The following PLCH1 variants were observed in gnomAD, a reference collection of about 807,000 sequenced individuals.
The protein encoded by PLCH1 is 1-phosphatidylinositol 4,5-bisphosphate phosphodiesterase eta-1.
A neutral mutation model predicts 126.7 loss-of-function variants in PLCH1; 60 were observed. The ratio of observed to expected loss-of-function variants is 0.47; its 90% CI spans 0.38 to 0.59. The LOEUF (loss-of-function observed/expected upper bound fraction) is 0.59. PLCH1 is among the 20% of genes least tolerant of loss of function. The pLI is 0.00. For synonymous variants in PLCH1, 719 were observed against 734.9 expected (o/e 0.98, Z 0.35); for missense variants, 1,723 against 2,040.0 (o/e 0.84, Z 2.99).
intron 21 of PLCH1, among the ~76,000 whole-genome samples, chr3:155,469,098 C>A (rs1272276948): frequency 1.3e-5 from 2 of 152,104 alleles, no homozygotes; most frequent in African/African-American, 2.4e-5. Flanking sequence ...AGGAACAGCT[C>A]CGGTCTACAG....
chr3:155,664,014 G>A (rs1008961111), intron 2 of PLCH1, among the ~76,000 whole-genome samples: 3 of 152,082 alleles, frequency 2.0e-5, no homozygotes, highest in Non-Finnish European at 2.9e-5. Flanking sequence ...TTTACTCCCT[G>A]CTATAATCAT....
At chr3:155,604,628 C>A (rs1001386585) in intron 2 of PLCH1, among the ~76,000 whole-genome samples, 4 of 152,166 alleles carry the variant, frequency 2.6e-5, no homozygotes, top group African/African-American at 9.6e-5. Context: ...ATAACACTTT[C>A]TTTTTTAATG....
At chr3:155,596,092 C>T (rs1732947314) in intron 3 of PLCH1, 140 bp downstream of exon 3, 1 of 648,858 alleles carries the variant, frequency 1.5e-6, no homozygotes, top group East Asian at 2.7e-5. Flanking sequence ...CATTATTCTG[C>T]CTCTCAATAT....
intron 2 of PLCH1, among the ~76,000 whole-genome samples, chr3:155,701,856 G>A (rs1226320975): frequency 1.3e-5 from 2 of 152,098 alleles, no homozygotes; most frequent in African/African-American, 2.4e-5. Flanking sequence ...AGAGCAAAAG[G>A]CATCTTTCTT....
intron 2 of PLCH1, among the ~76,000 whole-genome samples, chr3:155,700,293 TTAAC>T (rs754870966): frequency 3.2e-4 from 49 of 152,346 alleles, no homozygotes; most frequent in South Asian, 1.7e-3. Context: ...CTTTAATTAA[TTAAC>T]TAAGTCAATT....
rs1169426334 is a variant in PLCH1 at position 155,485,528 on chromosome 3, T to C, written c.2802A>G (p.Ile934Met). 1 of 1,614,114 alleles carries C rather than the reference T, an allele frequency of 6.2e-7. No individual in the cohort carries two copies. The highest frequency in any genetic ancestry group is 2.2e-5 in the East Asian group (1 of 44,888). ...TTGTGGCCTCGGACACAGAATCCTT[T>C]ATCTCCACCATTTCTTGGAAGCCCA... is the stretch of plus-strand genomic sequence containing the variant. ...SKMGFQEMVE[I>M]KDSVSEATRD... The change falls in exon 22 of 23, where the codon ATA (isoleucine) becomes ATG (methionine). Residue 934 changes from isoleucine to methionine, a missense_variant. This residue lies in a region of PLCH1 where 947 missense variants were observed against 977.1 expected (regional missense o/e 0.97). Transcript: ENST00000460012.
chr3:155,512,551 CAA>C (rs145907224), intron 12 of PLCH1, among the ~76,000 whole-genome samples: 1,830 of 152,204 alleles, frequency 0.012, 27 homozygotes, highest in African/African-American at 0.042. Context: ...AAGGTGAGTA[CAA>C]GTTATCTATG....
chr3:155,703,347 C>T (rs1746413111), intron 2 of PLCH1, among the ~76,000 whole-genome samples: 1 of 152,136 alleles, frequency 6.6e-6, no homozygotes, highest in Non-Finnish European at 1.5e-5. Context: ...TCTCTGTTCC[C>T]TCTACAATTC....
chr3:155,536,545 A>G (rs1723380690), intron 10 of PLCH1, among the ~76,000 whole-genome samples: 1 of 152,232 alleles, frequency 6.6e-6, no homozygotes, highest in African/African-American at 2.4e-5. Flanking sequence ...GAAAGTTTCA[A>G]CAAAAGAATC....
In PLCH1 at chr3:155,702,410, C is replaced by A. The variant is rs148397305; in HGVS notation, c.79+1736G>T. On this transcript the variant is annotated intron_variant, in intron 2 of 22. Coordinates refer to ENST00000460012, the MANE Select transcript of PLCH1 (RefSeq NM_014996.4). ...AGTGAGGTGTTGGAATTAGGCAGAT[C>A]AGGATTTGAATTTTAGGTCACCATT... Among the ~76,000 whole-genome samples the A allele has an allele frequency of 7.0e-3, 1,068 of 152,154 alleles. 6 individuals carry two copies. The highest frequency in any genetic ancestry group is 0.022 in the South Asian group (105 of 4,822).
At chr3:155,453,935 T>A (rs1712376333) in intron 21 of PLCH1, among the ~76,000 whole-genome samples, 1 of 151,950 alleles carries the variant, frequency 6.6e-6, no homozygotes, top group South Asian at 2.1e-4. Context: ...TATGCATAAG[T>A]CAGAAAGGTC....
Position 155,501,551 on chromosome 3 carries a change from G to T in PLCH1, c.1705-757C>A, listed in dbSNP as rs200072180. Among the ~76,000 whole-genome samples, 203 of 152,282 alleles carry T rather than the reference G, an allele frequency of 1.3e-3. 3 individuals are homozygous for T. In the East Asian group the frequency reaches 0.025, roughly 19 times the overall value. On this transcript the variant is annotated intron_variant, in intron 13 of 22. Coordinates refer to ENST00000460012, the MANE Select transcript of PLCH1 (RefSeq NM_014996.4). ...CTCGCGCCTGTAATCCCAGCACTTT[G>T]GGGGGCTGAGGTGGGTGGATCACCT...
chr3:155,600,124 T>C (rs1319127353), intron 2 of PLCH1, among the ~76,000 whole-genome samples: 1 of 152,282 alleles, frequency 6.6e-6, no homozygotes, highest in South Asian at 2.1e-4. Context: ...TCTAACTTAC[T>C]TTTCCCTTTC....
chr3:155,616,887 A>G (rs1312243233), intron 2 of PLCH1, among the ~76,000 whole-genome samples: 1 of 152,192 alleles, frequency 6.6e-6, no homozygotes, highest in Non-Finnish European at 1.5e-5. Context: ...AACTTTCCAA[A>G]ATCAAATTCT....
At chr3:155,538,553 A>C (rs1723764801) in intron 10 of PLCH1, among the ~76,000 whole-genome samples, 2 of 152,218 alleles carry the variant, frequency 1.3e-5, no homozygotes. Flanking sequence ...TCAATTAGAA[A>C]CAAAATGAGA....
At chr3:155,744,277 G>A (rs368988726) in intron 1 of PLCH1, among the ~76,000 whole-genome samples, 1 of 152,184 alleles carries the variant, frequency 6.6e-6, no homozygotes, top group Non-Finnish European at 1.5e-5. Flanking sequence ...CGCCGCTCGG[G>A]CGCTCTTGGT....
chr3:155,734,960 T>C (rs527473003), intron 1 of PLCH1, among the ~76,000 whole-genome samples: 40 of 152,224 alleles, frequency 2.6e-4, no homozygotes, highest in Middle Eastern at 3.4e-3. Flanking sequence ...CCTCCCGCCT[T>C]GGCCTCCCAA....
intron 2 of PLCH1, among the ~76,000 whole-genome samples, chr3:155,613,813 C>T (rs893859005): frequency 2.0e-5 from 3 of 151,628 alleles, no homozygotes; most frequent in Non-Finnish European, 2.9e-5. Context: ...AGCAATCAAA[C>T]GAGAAAAAAA....
intron 7 of PLCH1, among the ~76,000 whole-genome samples, chr3:155,567,060 G>GATTTT (rs1371816489): frequency 6.6e-6 from 1 of 151,920 alleles, no homozygotes; most frequent in Non-Finnish European, 1.5e-5. Flanking sequence ...AATGATATAA[G>GATTTT]ATTTTATTTT....
Sources: gnomAD v4.1 joint callset for allele counts (sites outside exome capture counted in the v4.1 genomes callset) on GRCh38, gnomAD v4.1.1 for gene constraint, gnomAD v4.1.1 regional missense constraint, MANE v1.5 for transcripts, NCBI Gene and HGNC (gene_info 2026-07-23, HGNC 2026-07-21) for gene names.